The following HSBP1 variants were observed in gnomAD, a reference collection of about 807,000 sequenced individuals.
HSBP1 encodes heat shock factor binding protein 1, also known as heat shock factor-binding protein 1.
A neutral mutation model predicts 9.6 loss-of-function variants in HSBP1; 5 were observed. That is an observed-to-expected ratio of 0.52 (90% CI 0.27 to 1.09). The LOEUF (loss-of-function observed/expected upper bound fraction) is 1.09, where lower values mean the gene tolerates loss of function less well. Among genes scored for constraint, HSBP1 ranks in the 50% least tolerant of loss-of-function variants. HSBP1 has a pLI of 0.11. For synonymous variants in HSBP1, 42 were observed against 33.3 expected, an observed-to-expected ratio of 1.26 and a Z score of -0.90; for missense variants, 121 against 96.3, an observed-to-expected ratio of 1.26 and a Z score of -1.07.
At position 83,811,781 on chromosome 16, in the gene HSBP1, T is replaced by C. The variant is rs1048236470; in HGVS notation, c.*363T>C. ...GATGTGTGATTTTTTATTAAACAAA[T>C]AGTAAACCCTTCAATTATAGTTAGT... On this transcript the variant is annotated 3_prime_UTR_variant, in exon 4 of 4. Coordinates refer to ENST00000433866, the MANE Select transcript of HSBP1 (RefSeq NM_001537.4). 1 of 152,252 alleles carries C rather than the reference T, an allele frequency of 6.6e-6. No individual in the cohort carries two copies. Among genetic ancestry groups the C allele is most frequent in the Non-Finnish European group, 1.5e-5 (1 of 68,050 alleles). 9.4% of individuals were successfully genotyped at this position (152,252 alleles called of 1,614,324 possible).
rs1003553545 is a variant in HSBP1, at chr16:83,819,606, G to A, written c.*8188G>A. The A allele has an allele frequency of 2.0e-5, 3 of 152,056 alleles. No individual in the cohort carries two copies. Among genetic ancestry groups the A allele is most frequent in the Non-Finnish European group, 1.5e-5 (1 of 68,028 alleles). 9.4% of individuals were successfully genotyped at this position (152,056 alleles called of 1,614,324 possible). ...TCATTTCAACTCTTAAGCCACAAAA[G>A]GATATCCAATCATTTAAAGCTTCCT... is the stretch of plus-strand genomic sequence containing the variant. On this transcript the variant is annotated 3_prime_UTR_variant, in exon 4 of 4. Transcript: ENST00000433866.
rs951206037 is a variant in HSBP1, at chr16:83,814,804, A to G, written c.*3386A>G. ...TCTCCTAAATCAGTTGAGAACAACA[A>G]CAGAAACAAATGACATTCCTCAAAC... On this transcript the variant is annotated 3_prime_UTR_variant, in exon 4 of 4. Transcript: ENST00000433866. 6.6e-6 allele frequency: 1 copy of G among 152,254 alleles called. No individual in the cohort carries two copies. The highest frequency in any genetic ancestry group is 1.5e-5 in the Non-Finnish European group (1 of 68,042). The allele number at this position is 152,254 out of a possible 1,614,324, so 9.4% of individuals were successfully genotyped here.
intron 2 of HSBP1, among the ~76,000 whole-genome samples, 163 bp downstream of exon 2, chr16:83,808,909 A>C (rs1204369185): frequency 6.6e-6 from 1 of 152,142 alleles, no homozygotes; most frequent in East Asian, 1.9e-4. Flanking sequence ...GCCGAGAGCT[A>C]GGGGCAAAGC....
At chr16:83,808,286 G>T in intron 1 of HSBP1, 165 bp downstream of exon 1, 4 of 622,450 alleles carry the variant, frequency 6.4e-6, no homozygotes, top group Non-Finnish European at 1.1e-5. Context: ...GACCCCCGGG[G>T]CGCTCGGTGC....
intron 1 of HSBP1, 89 bp from the exon 2 acceptor site, chr16:83,808,591 G>C: frequency 9.8e-7 from 1 of 1,020,890 alleles, no homozygotes. Context: ...AATGGGGCTG[G>C]AACCCCGGGA....
At chr16:83,810,429 C>G (rs935423586) in intron 3 of HSBP1, among the ~76,000 whole-genome samples, 1 of 144,776 alleles carries the variant, frequency 6.9e-6, no homozygotes, top group Admixed American at 7.2e-5. Context: ...TTTTAATTCT[C>G]TATAAAAATG....
Position 83,811,883 on chromosome 16 carries a change from A to G in HSBP1, c.*465A>G, listed in dbSNP as rs1904608823. On this transcript the variant is annotated 3_prime_UTR_variant, in exon 4 of 4. Transcript: ENST00000433866. The stretch of plus-strand genomic sequence containing the variant: ...AACGTGACTGTTGAGCTAACACCAA[A>G]TAGTGTGTTGGCAATACTTTTCAAA... 1 of 152,248 alleles carries G rather than the reference A, an allele frequency of 6.6e-6. No individual in the cohort carries two copies. Among genetic ancestry groups the G allele is most frequent in the African/African-American group, 2.4e-5 (1 of 41,468 alleles). 9.4% of individuals were successfully genotyped at this position (152,248 alleles called of 1,614,324 possible). A position where few individuals can be genotyped will look rare whatever the true frequency, so the allele number is the denominator to read the frequency against.
At chr16:83,809,457 C>CTTTT in intron 3 of HSBP1, 32 bp downstream of exon 3, 2 of 645,770 alleles carry the variant, frequency 3.1e-6, no homozygotes, top group Non-Finnish European at 4.8e-6. Context: ...TTTTTCTTTT[C>CTTTT]TTTTCTTTTT....
At position 83,808,551 on chromosome 16, in the gene HSBP1, C is replaced by G. The variant is rs546570884; in HGVS notation, c.46-129C>G. ...GGAAGCCCAGAGAAGGAAGATCTTG[C>G]TGAAGGCCGCACAGCTGTCCAGAGG... On this transcript the variant is annotated intron_variant, in intron 1 of 3. Coordinates refer to ENST00000433866, the MANE Select transcript of HSBP1 (RefSeq NM_001537.4). The G allele has an allele frequency of 2.4e-5, 16 of 664,884 alleles. No homozygotes were observed. The South Asian group carries it at 2.8e-4, about 12-fold the overall frequency. The allele number at this position is 664,884 out of a possible 1,614,324, so 41.2% of individuals were successfully genotyped here. A position where few individuals can be genotyped will look rare whatever the true frequency, so the allele number is the denominator to read the frequency against.
intron 3 of HSBP1, among the ~76,000 whole-genome samples, chr16:83,810,975 T>C (rs2151030827): frequency 6.6e-6 from 1 of 152,370 alleles, no homozygotes; most frequent in Non-Finnish European, 1.5e-5. Context: ...CTCTAAAATT[T>C]GCTTTTATCT....
chr16:83,807,986 C>T lies in HSBP1; in HGVS notation c.-91C>T. ...CGGTCCCGCGAGCTGCCAGTCTCGT[C>T]GCGAGAAGCAGCGGCCCGGGGCGAC... On this transcript the variant is annotated 5_prime_UTR_variant, in exon 1 of 4. Coordinates refer to ENST00000433866, the MANE Select transcript of HSBP1 (RefSeq NM_001537.4). The T allele has an allele frequency of 1.7e-6, 2 of 1,199,696 alleles. No homozygotes were observed. The highest frequency in any genetic ancestry group is 2.3e-6 in the Non-Finnish European group (2 of 866,678). 74.3% of individuals were successfully genotyped at this position (1,199,696 alleles called of 1,614,324 possible).
intron 2 of HSBP1, chr16:83,809,030 A>C (rs1904533519): frequency 1.8e-6 from 1 of 552,618 alleles, no homozygotes; most frequent in Non-Finnish European, 3.2e-6. Flanking sequence ...GATGCTCAGC[A>C]TGACCTTATG....
intron 3 of HSBP1, among the ~76,000 whole-genome samples, chr16:83,810,148 C>T (rs1487879846): frequency 6.6e-6 from 1 of 151,618 alleles, no homozygotes; most frequent in Admixed American, 6.6e-5. Flanking sequence ...CACATTACCA[C>T]CTTCTTAAAT....
rs1904631760 is a variant in HSBP1 at position 83,812,857 on chromosome 16, T to C, written c.*1439T>C. On this transcript the variant is annotated 3_prime_UTR_variant, in exon 4 of 4. Coordinates refer to ENST00000433866, the MANE Select transcript of HSBP1 (RefSeq NM_001537.4). ...AAGCCTCGGAAGTGGCAAATGGAAA[T>C]GATATGGCCGGTTGCGGTTGTAGGA... 6.6e-6 allele frequency: 1 copy of C among 152,164 alleles called. No homozygotes were observed. Among genetic ancestry groups the C allele is most frequent in the Non-Finnish European group, 1.5e-5 (1 of 68,072 alleles). 9.4% of individuals were successfully genotyped at this position (152,164 alleles called of 1,614,324 possible).
chr16:83,809,457 C>CTTT, intron 3 of HSBP1, 32 bp downstream of exon 3: 4 of 645,770 alleles, frequency 6.2e-6, no homozygotes, highest in Admixed American at 3.7e-5. Context: ...TTTTTCTTTT[C>CTTT]TTTTCTTTTT....
chr16:83,809,397 A>G lies in HSBP1; in HGVS notation c.205A>G (p.Lys69Glu). The stretch of plus-strand genomic sequence containing the variant: ...GGTGGAAGAACTGGAAAGTGAAAAC[A>G]AGATACCTGCCACGCAAAAGAGTTG... ...AGVEELESEN[K>E]IPATQKS The change falls in exon 3 of 4, where the codon AAG becomes GAG. Residue 69 changes from lysine (K) to glutamate (E), a missense_variant. Physicochemically the swap from Lys to Glu is moderately conservative, Grantham distance 56. Transcript: ENST00000433866. The G allele has an allele frequency of 6.2e-7, 1 of 1,600,422 alleles. No homozygotes were observed. The highest frequency in any genetic ancestry group is 8.5e-7 in the Non-Finnish European group (1 of 1,172,648).
At chr16:83,810,114 T>TTA (rs1904566331) in intron 3 of HSBP1, among the ~76,000 whole-genome samples, 3 of 151,906 alleles carry the variant, frequency 2.0e-5, no homozygotes, top group African/African-American at 7.3e-5. Flanking sequence ...TTTTTTTTTT[T>TTA]ATGGAAATAA....
At position 83,812,499 on chromosome 16, in the gene HSBP1, T is replaced by C. The variant is rs927765537; in HGVS notation, c.*1081T>C. 2.0e-5 allele frequency: 3 copies of C among 152,196 alleles called. No homozygotes were observed. Among genetic ancestry groups the C allele is most frequent in the East Asian group, 1.9e-4 (1 of 5,200 alleles). The allele number at this position is 152,196 out of a possible 1,614,324, so 9.4% of individuals were successfully genotyped here. ...CCAATACTGATGACCTGGAAGGTGA[T>C]CCATATGATTGTCACCACAAAGTGC... is the stretch of plus-strand genomic sequence containing the variant. On this transcript the variant is annotated 3_prime_UTR_variant, in exon 4 of 4. Coordinates refer to ENST00000433866, the MANE Select transcript of HSBP1 (RefSeq NM_001537.4).
rs1427056655 is a variant in HSBP1, at chr16:83,813,722, T to C, written c.*2304T>C. Reference sequence around the variant, plus strand: ...GAGGGCTGAACAATACAGATGAGTATGGGGGCCCTCGCACCAAGGAAAACA... The same window carrying C: ...GAGGGCTGAACAATACAGATGAGTACGGGGGCCCTCGCACCAAGGAAAACA... On this transcript the variant is annotated 3_prime_UTR_variant, in exon 4 of 4. Transcript: ENST00000433866. 3 of 152,232 alleles carry C rather than the reference T, an allele frequency of 2.0e-5. No individual in the cohort carries two copies. The highest frequency in any genetic ancestry group is 4.4e-5 in the Non-Finnish European group (3 of 68,054). 9.4% of individuals were successfully genotyped at this position (152,232 alleles called of 1,614,324 possible).
Sources: gnomAD v4.1 joint callset for allele counts (sites outside exome capture counted in the v4.1 genomes callset) on GRCh38, gnomAD v4.1.1 for gene constraint, MANE v1.5 for transcripts, NCBI Gene and HGNC (gene_info 2026-07-23, HGNC 2026-07-21) for gene names.